The following ATP10B variants were observed in gnomAD, a reference collection of about 807,000 sequenced individuals.
ATP10B encodes the protein ATPase phospholipid transporting 10B (putative), also known as phospholipid-transporting ATPase VB.
Under a neutral mutation model 141.2 loss-of-function variants are expected in ATP10B, and 122 were observed. The observed-to-expected ratio is 0.86, with a 90% confidence interval of 0.75 to 1.00. The LOEUF is 1.00. Among genes scored for constraint, ATP10B ranks in the 50% least tolerant of loss-of-function variants. The pLI is 0.00. For synonymous variants in ATP10B, 685 were observed against 692.0 expected (o/e 0.99, Z 0.16); for missense variants, 1,876 against 1,825.3 (o/e 1.03, Z -0.51).
chr5:160,664,895 T>C (rs1365024702), intron 7 of ATP10B, among the ~76,000 whole-genome samples: 2 of 152,204 alleles, frequency 1.3e-5, no homozygotes, highest in African/African-American at 4.8e-5. Flanking sequence ...TGCTATATAC[T>C]CCTTTCCAGG....
chr5:160,599,292 C>A (rs1276322525), intron 21 of ATP10B, among the ~76,000 whole-genome samples: 1 of 152,064 alleles, frequency 6.6e-6, no homozygotes. Flanking sequence ...ATGGCAAGCC[C>A]CGGAATAACA....
At chr5:160,835,586 T>C (rs1775374140) in intron 1 of ATP10B, among the ~76,000 whole-genome samples, 1 of 152,144 alleles carries the variant, frequency 6.6e-6, no homozygotes, top group African/African-American at 2.4e-5. Flanking sequence ...AAAGGCAAGC[T>C]TGGGGCACAC....
At chr5:160,735,257 G>A (rs1441230215) in intron 2 of ATP10B, among the ~76,000 whole-genome samples, 1 of 151,636 alleles carries the variant, frequency 6.6e-6, no homozygotes, top group Non-Finnish European at 1.5e-5. Flanking sequence ...CAAGAAACAT[G>A]CTTCACTTAT....
At position 160,565,853 on chromosome 5, in the gene ATP10B, G is replaced by A; in HGVS notation, c.3986C>T (p.Ser1329Leu). 2 of 1,613,770 alleles carry A rather than the reference G, an allele frequency of 1.2e-6. No homozygotes were observed. Among genetic ancestry groups the A allele is most frequent in the Non-Finnish European group, 1.7e-6 (2 of 1,179,912 alleles). The change falls in exon 26 of 26, where the codon TCA becomes TTA. Residue 1329 changes from serine to leucine, a missense_variant. Physicochemically the swap from Ser to Leu is moderately radical, Grantham distance 145 (BLOSUM62 -2). Transcript: ENST00000327245. ...LQGTCGKSLISKAQKIDKLPP... is the reference protein window; with the variant it reads ...LQGTCGKSLILKAQKIDKLPP... Reference sequence around the variant, plus strand: ...GAGTTTGTCAATTTTCTGAGCTTTTGAGATTAGAGACTTCCCACAAGTTCC... The same window carrying A: ...GAGTTTGTCAATTTTCTGAGCTTTTAAGATTAGAGACTTCCCACAAGTTCC...
chr5:160,807,568 G>A (rs1772863758), intron 1 of ATP10B, among the ~76,000 whole-genome samples: 1 of 152,096 alleles, frequency 6.6e-6, no homozygotes. Flanking sequence ...TAAACACAAT[G>A]TATTAACTCA....
chr5:160,738,667 G>T (rs191796357), intron 2 of ATP10B, among the ~76,000 whole-genome samples: 100 of 152,104 alleles, frequency 6.6e-4, no homozygotes, highest in Admixed American at 2.3e-3. Flanking sequence ...AAATATAAAT[G>T]ATCAAAACAG....
At chr5:160,763,067 A>T (rs888690190) in intron 2 of ATP10B, among the ~76,000 whole-genome samples, 2 of 152,156 alleles carry the variant, frequency 1.3e-5, no homozygotes, top group Non-Finnish European at 2.9e-5. Context: ...TTTGTAAAAC[A>T]ACTACTACTA....
intron 13 of ATP10B, among the ~76,000 whole-genome samples, chr5:160,630,581 A>C (rs1257295149): frequency 6.6e-6 from 1 of 152,242 alleles, no homozygotes; most frequent in Non-Finnish European, 1.5e-5. Flanking sequence ...GAATTCACTA[A>C]GGTCATTTTA....
At chr5:160,810,178 CTTA>C (rs1773053271) in intron 1 of ATP10B, among the ~76,000 whole-genome samples, 2 of 151,678 alleles carry the variant, frequency 1.3e-5, no homozygotes, top group East Asian at 1.9e-4. Flanking sequence ...TTTTAAATTT[CTTA>C]TTATTTTTCA....
chr5:160,764,843 G>A (rs964784051), intron 2 of ATP10B, among the ~76,000 whole-genome samples: 16 of 152,080 alleles, frequency 1.1e-4, no homozygotes, highest in African/African-American at 3.9e-4. Flanking sequence ...TCCTAGATCT[G>A]ATAAATGAAT....
intron 17 of ATP10B, among the ~76,000 whole-genome samples, chr5:160,614,895 C>T (rs1246741518): frequency 6.6e-6 from 1 of 152,154 alleles, no homozygotes; most frequent in African/African-American, 2.4e-5. Flanking sequence ...CTTTTTGCCA[C>T]GTGGCCAGTG....
At chr5:160,788,398 T>C (rs189923608) in intron 1 of ATP10B, among the ~76,000 whole-genome samples, 2 of 152,338 alleles carry the variant, frequency 1.3e-5, no homozygotes, top group Admixed American at 1.3e-4. Context: ...TTGGGGTTGC[T>C]AGCTGAGTCT....
chr5:160,809,367 C>T (rs1772992796), intron 1 of ATP10B, among the ~76,000 whole-genome samples: 1 of 152,058 alleles, frequency 6.6e-6, no homozygotes, highest in African/African-American at 2.4e-5. Flanking sequence ...TCTATGGCCA[C>T]TAGAAAGATA....
Position 160,619,040 on chromosome 5 carries a change from GATT to G in ATP10B, c.2417-1070_2417-1068del, listed in dbSNP as rs919377898. 4.3e-4 allele frequency among the ~76,000 whole-genome samples: 65 copies of G among 152,242 alleles called. 1 individual carries two copies. Among genetic ancestry groups the G allele is most frequent in the African/African-American group, 1.6e-3 (65 of 41,560 alleles). On this transcript the variant is annotated intron_variant, in intron 15 of 25. Coordinates refer to ENST00000327245, the MANE Select transcript of ATP10B (RefSeq NM_025153.3). ...TATATAATATAAAACTTGTTTCAAAGATTATTTTCTCATTTTTCAGGTGTTGCT... is the reference window on the plus strand; with the variant it reads ...TATATAATATAAAACTTGTTTCAAAGATTTTCTCATTTTTCAGGTGTTGCT...
At chr5:160,916,829 C>A in the ATP10B span, among the ~76,000 whole-genome samples, 1 of 152,208 alleles carries the variant, frequency 6.6e-6, no homozygotes, top group African/African-American at 2.4e-5. Flanking sequence ...GTTTAGAAAG[C>A]ATCTAGTTCA....
chr5:160,647,452 T>A (rs1330489215), intron 8 of ATP10B, among the ~76,000 whole-genome samples: 1 of 152,128 alleles, frequency 6.6e-6, no homozygotes, highest in Non-Finnish European at 1.5e-5. Flanking sequence ...AGGACAGGTC[T>A]CCCAGAGCAG....
chr5:160,882,109 G>A, the ATP10B span, among the ~76,000 whole-genome samples: 3 of 152,124 alleles, frequency 2.0e-5, no homozygotes, highest in Admixed American at 1.3e-4. Flanking sequence ...GAGGAGGCAA[G>A]GAATGAACAG....
At chr5:160,605,670 G>A (rs773056573) in intron 19 of ATP10B, among the ~76,000 whole-genome samples, 11 of 152,150 alleles carry the variant, frequency 7.2e-5, no homozygotes, top group African/African-American at 1.9e-4. Flanking sequence ...AAACCATCAC[G>A]TTTAATAGGG....
chr5:160,888,301 CTTT>C, the ATP10B span, among the ~76,000 whole-genome samples: 1 of 152,174 alleles, frequency 6.6e-6, no homozygotes, highest in Non-Finnish European at 1.5e-5. Context: ...AAAGAAATTT[CTTT>C]AAAAAAATCC....
Sources: gnomAD v4.1 joint callset for allele counts (sites outside exome capture counted in the v4.1 genomes callset) on GRCh38, gnomAD v4.1.1 for gene constraint, MANE v1.5 for transcripts, NCBI Gene and HGNC (gene_info 2026-07-23, HGNC 2026-07-21) for gene names.